WWOX: variants seen among roughly 807,000 people sequenced by gnomAD.
WWOX encodes WW domain-containing oxidoreductase.
A neutral mutation model predicts 46.2 loss-of-function variants in WWOX; 69 were observed. The ratio of observed to expected loss-of-function variants is 1.49; its 90% CI spans 1.23 to 1.82. The LOEUF is 1.82. Ranked by LOEUF, WWOX falls within the 40% of genes most tolerant of loss-of-function variation. The pLI is 0.00. For missense variants in WWOX, 919 were observed against 542.6 expected (o/e 1.69, Z -6.89); for synonymous variants, 359 against 202.6 (o/e 1.77, Z -6.56).
At chr16:78,542,189 A>C (rs372466873) in intron 8 of WWOX, among the ~76,000 whole-genome samples, 7 of 152,196 alleles carry the variant, frequency 4.6e-5, no homozygotes, top group African/African-American at 1.4e-4. Flanking sequence ...GAAATTGTTC[A>C]TCAGGTGTAT....
intron 8 of WWOX, among the ~76,000 whole-genome samples, chr16:78,731,846 T>TC (rs1491327133): frequency 0.01 from 873 of 86,226 alleles, 46 homozygotes; most frequent in African/African-American, 0.06. Flanking sequence ...TTTCTTTCTC[T>TC]TTTTTTTTTT....
intron 8 of WWOX, among the ~76,000 whole-genome samples, chr16:78,573,849 A>C (rs761608769): frequency 4.6e-5 from 7 of 152,184 alleles, no homozygotes; most frequent in Non-Finnish European, 8.8e-5. Context: ...ATTAACACAA[A>C]TTTTGCAGCT....
At chr16:78,445,041 C>T (rs1230608122) in intron 8 of WWOX, among the ~76,000 whole-genome samples, 1 of 152,076 alleles carries the variant, frequency 6.6e-6, no homozygotes, top group Non-Finnish European at 1.5e-5. Context: ...CTTGTTGCTG[C>T]ATCTCACCTA....
chr16:79,011,929 C>G lies in WWOX; in HGVS notation c.1057-199679C>G, dbSNP rs559515953. On this transcript the variant is annotated intron_variant, in intron 8 of 8. Transcript: ENST00000566780. Reference sequence around the variant, plus strand: ...TCAGCCTCCTGAGTCACTGGAATTTCAGGCATGAGCCACTGTGCCTGGCCT... The same window carrying G: ...TCAGCCTCCTGAGTCACTGGAATTTGAGGCATGAGCCACTGTGCCTGGCCT... Among the ~76,000 whole-genome samples the G allele has an allele frequency of 9.2e-5, 14 of 152,352 alleles. 1 individual carries two copies. The highest frequency in any genetic ancestry group is 4.1e-4 in the South Asian group (2 of 4,828).
At chr16:78,114,944 G>T (rs1456993740) in intron 3 of WWOX, 32 bp from the exon 4 acceptor site, 1 of 1,613,874 alleles carries the variant, frequency 6.2e-7, no homozygotes, top group African/African-American at 1.3e-5. Context: ...TGTGTTCATT[G>T]CTGTGGGTTC....
intron 8 of WWOX, among the ~76,000 whole-genome samples, chr16:78,566,557 C>G (rs2044573529): frequency 6.6e-6 from 1 of 152,162 alleles, no homozygotes; most frequent in South Asian, 2.1e-4. Context: ...CTGAGGCTGT[C>G]TGTGCTGAGG....
chr16:78,675,332 A>G (rs562635187), intron 8 of WWOX, among the ~76,000 whole-genome samples: 3 of 152,222 alleles, frequency 2.0e-5, no homozygotes, highest in Non-Finnish European at 4.4e-5. Context: ...AGATTAATGT[A>G]AAGATTTAAA....
chr16:78,943,778 T>C (rs1302662674), intron 8 of WWOX, among the ~76,000 whole-genome samples: 1 of 152,036 alleles, frequency 6.6e-6, no homozygotes, highest in Non-Finnish European at 1.5e-5. Context: ...GATCCCACAA[T>C]TTGAAGGGGA....
intron 8 of WWOX, among the ~76,000 whole-genome samples, chr16:78,802,617 T>C (rs1408864211): frequency 6.6e-6 from 1 of 151,958 alleles, no homozygotes; most frequent in African/African-American, 2.4e-5. Context: ...ACTAAAGTAA[T>C]GCATTAATGG....
chr16:78,351,075 T>A (rs570077844), intron 5 of WWOX, among the ~76,000 whole-genome samples: 219 of 152,348 alleles, frequency 1.4e-3, no homozygotes, highest in Non-Finnish European at 1.3e-3. Flanking sequence ...TTCATATGAT[T>A]ATTGGATGGA....
intron 8 of WWOX, among the ~76,000 whole-genome samples, chr16:79,183,475 C>T (rs377310918): frequency 6.6e-6 from 1 of 152,204 alleles, no homozygotes; most frequent in African/African-American, 2.4e-5. Context: ...TGTCTTATTT[C>T]TGCTTTTGGA....
At chr16:79,013,914 C>T (rs1348860980) in intron 8 of WWOX, among the ~76,000 whole-genome samples, 1 of 152,176 alleles carries the variant, frequency 6.6e-6, no homozygotes, top group Non-Finnish European at 1.5e-5. Flanking sequence ...GGTCCAGCGA[C>T]AAGAACACCA....
intron 8 of WWOX, among the ~76,000 whole-genome samples, chr16:78,603,520 C>A (rs2045673299): frequency 6.6e-6 from 1 of 152,098 alleles, no homozygotes; most frequent in South Asian, 2.1e-4. Context: ...CATGGTGAAA[C>A]CCCATCTCAC....
At chr16:78,261,788 C>CTAGATATATATATATATATATA (rs1491587303) in intron 5 of WWOX, among the ~76,000 whole-genome samples, 6 of 73,748 alleles carry the variant, frequency 8.1e-5, no homozygotes, top group African/African-American at 3.4e-4. Context: ...ATCTATCTAT[C>CTAGATATATATATATATATATA]TATATATATA....
At chr16:78,662,205 G>C (rs1320436) in intron 8 of WWOX, among the ~76,000 whole-genome samples, 10 of 152,242 alleles carry the variant, frequency 6.6e-5, no homozygotes, top group African/African-American at 2.4e-4. Flanking sequence ...TAGTAAATAA[G>C]TGAGGTTTGT....
chr16:78,242,124 A>C (rs2151820393), intron 5 of WWOX, among the ~76,000 whole-genome samples: 1 of 152,272 alleles, frequency 6.6e-6, no homozygotes, highest in East Asian at 1.9e-4. Flanking sequence ...GCCTAACATA[A>C]TTTTGGTAAC....
intron 8 of WWOX, among the ~76,000 whole-genome samples, chr16:78,812,584 G>A (rs181846754): frequency 6.6e-6 from 1 of 152,080 alleles, no homozygotes; most frequent in African/African-American, 2.4e-5. Context: ...AAAATTGCCA[G>A]GCCTAGGCGC....
intron 8 of WWOX, among the ~76,000 whole-genome samples, chr16:78,814,908 C>T (rs934963843): frequency 6.6e-6 from 1 of 152,190 alleles, no homozygotes; most frequent in Non-Finnish European, 1.5e-5. Context: ...CCACATTCTT[C>T]CACCTGGCCT....
At chr16:78,233,583 C>A (rs866574357) in intron 5 of WWOX, among the ~76,000 whole-genome samples, 11 of 145,860 alleles carry the variant, frequency 7.5e-5, no homozygotes, top group African/African-American at 2.8e-4. Flanking sequence ...CTGGAGTGCA[C>A]TATCGCGATC....
Sources: gnomAD v4.1 joint callset for allele counts (sites outside exome capture counted in the v4.1 genomes callset) on GRCh38, gnomAD v4.1.1 for gene constraint, MANE v1.5 for transcripts, NCBI Gene and HGNC (gene_info 2026-07-23, HGNC 2026-07-21) for gene names.